The following SMCHD1 variants were observed in gnomAD, a reference collection of about 807,000 sequenced individuals.
SMCHD1 encodes structural maintenance of chromosomes flexible hinge domain containing 1, also known as structural maintenance of chromosomes flexible hinge domain-containing protein 1.
Under a neutral mutation model 254.7 loss-of-function variants are expected in SMCHD1, and 78 were observed. The observed-to-expected ratio is 0.31, with a 90% CI of 0.26 to 0.37. SMCHD1 has a LOEUF of 0.37. Among genes scored for constraint, SMCHD1 ranks in the 10% least tolerant of loss-of-function variants. SMCHD1 has a pLI of 1.00. For synonymous variants in SMCHD1, 766 were observed against 794.9 expected, an observed-to-expected ratio of 0.96 and a Z score of 0.61; for missense variants, 1,840 against 2,408.1, an observed-to-expected ratio of 0.76 and a Z score of 4.94.
intron 19 of SMCHD1, among the ~76,000 whole-genome samples, chr18:2,721,014 C>T (rs78654046): frequency 0.02 from 3,028 of 152,244 alleles, 40 homozygotes; most frequent in African/African-American, 0.035. Context: ...TGAGGAGGGT[C>T]GTTGACTAGC....
At chr18:2,721,610 A>G (rs1214150187) in intron 19 of SMCHD1, among the ~76,000 whole-genome samples, 2 of 152,198 alleles carry the variant, frequency 1.3e-5, no homozygotes, top group Non-Finnish European at 2.9e-5. Context: ...CTTTAGGGTG[A>G]TACCAAGAAG....
At chr18:2,711,656 G>C (rs2074676312) in intron 17 of SMCHD1, among the ~76,000 whole-genome samples, 1 of 150,996 alleles carries the variant, frequency 6.6e-6, no homozygotes, top group Admixed American at 6.6e-5. Context: ...CTAATTTTTT[G>C]TATTTTTAGT....
chr18:2,709,919 T>C (rs548165156), intron 17 of SMCHD1, among the ~76,000 whole-genome samples: 1 of 152,212 alleles, frequency 6.6e-6, no homozygotes, highest in Non-Finnish European at 1.5e-5. Flanking sequence ...AATTAGTTTC[T>C]TTTTTCTTTT....
Position 2,726,533 on chromosome 18 carries a change from A to G in SMCHD1, c.2773+9A>G, listed in dbSNP as rs1201218290. ...AATTAGATTACTACCTGGTAATATT[A>G]TTTCAAGAAATATAATTATTTAAAA... is the stretch of plus-strand genomic sequence containing the variant. On this transcript the variant is annotated intron_variant, in intron 22 of 47. Coordinates refer to ENST00000320876, the MANE Select transcript of SMCHD1 (RefSeq NM_015295.3). 3 of 1,193,998 alleles carry G rather than the reference A, an allele frequency of 2.5e-6. No homozygotes were observed. Among genetic ancestry groups the G allele is most frequent in the African/African-American group, 3.1e-5 (2 of 64,492 alleles). 74.0% of individuals were successfully genotyped at this position (1,193,998 alleles called of 1,614,324 possible).
rs557099067 is a variant in SMCHD1, at chr18:2,706,052, TA to T, written c.1956+246del. ...TTACCAAATTAATTTTATAAAGTCA[TA>T]TTTCCTCTAGGGCCCACTAACTAGT... is the stretch of plus-strand genomic sequence containing the variant. On this transcript the variant is annotated intron_variant, in intron 14 of 47. Transcript: ENST00000320876. Among the ~76,000 whole-genome samples the T allele has an allele frequency of 3.9e-3, 596 of 152,292 alleles. 5 individuals carry two copies. Among genetic ancestry groups the T allele is most frequent in the Non-Finnish European group, 6.4e-3 (435 of 68,008 alleles).
chr18:2,697,599 C>G (rs2074311772), intron 9 of SMCHD1, among the ~76,000 whole-genome samples: 1 of 152,184 alleles, frequency 6.6e-6, no homozygotes. Context: ...TTCTGTCCTT[C>G]AGCTCTGATT....
intron 14 of SMCHD1, 98 bp from the exon 15 acceptor site, chr18:2,706,266 A>G (rs545487222): frequency 2.6e-6 from 2 of 763,254 alleles, no homozygotes; most frequent in African/African-American, 1.8e-5. Context: ...TAATTAGGAT[A>G]AAATATATTT....
chr18:2,711,763 T>A (rs1458389475), intron 17 of SMCHD1, among the ~76,000 whole-genome samples: 1 of 152,142 alleles, frequency 6.6e-6, no homozygotes. Context: ...ATTACAGGCG[T>A]GAGCCACCGC....
At chr18:2,786,539 A>G (rs563864864) in intron 45 of SMCHD1, among the ~76,000 whole-genome samples, 2 of 152,136 alleles carry the variant, frequency 1.3e-5, no homozygotes, top group East Asian at 3.9e-4. Flanking sequence ...TAAAAATACA[A>G]AAATTAGCTG....
intron 36 of SMCHD1, among the ~76,000 whole-genome samples, chr18:2,763,300 T>C (rs2075817287): frequency 6.6e-6 from 1 of 152,198 alleles, no homozygotes; most frequent in African/African-American, 2.4e-5. Flanking sequence ...AATAAAATAT[T>C]TAAAGTCACT....
At chr18:2,751,150 G>T in intron 32 of SMCHD1, 128 bp from the exon 33 acceptor site, 1 of 568,242 alleles carries the variant, frequency 1.8e-6, no homozygotes. Context: ...CATCAGAATT[G>T]TATTAACATT....
chr18:2,675,231 T>C (rs1164272107), intron 5 of SMCHD1, among the ~76,000 whole-genome samples: 1 of 152,002 alleles, frequency 6.6e-6, no homozygotes, highest in Non-Finnish European at 1.5e-5. Flanking sequence ...AGCTGTCATT[T>C]TAGTTATTAC....
chr18:2,708,915 T>TATATAAA (rs1568199419), intron 17 of SMCHD1, among the ~76,000 whole-genome samples: 1 of 90,454 alleles, frequency 1.1e-5, no homozygotes, highest in African/African-American at 4.2e-5. Flanking sequence ...TATAACATAT[T>TATATAAA]AACATGAAAT....
In SMCHD1 at chr18:2,752,546, A is replaced by T. The variant is rs1292200069; in HGVS notation, c.4340A>T (p.Tyr1447Phe). 2 of 1,548,704 alleles carry T rather than the reference A, an allele frequency of 1.3e-6. No individual in the cohort carries two copies. The highest frequency in any genetic ancestry group is 1.4e-5 in the African/African-American group (1 of 73,494). ...KDNDKEDGCF[Y>F]FRDKVIPNKV... Reference sequence around the variant, plus strand: ...AATGACAAAGAAGATGGCTGCTTCTATTTCAGGTATTTCTCAAAACATTTC... The same window carrying T: ...AATGACAAAGAAGATGGCTGCTTCTTTTTCAGGTATTTCTCAAAACATTTC... The change falls in exon 34 of 48, where the codon TAT becomes TTT. Residue 1447 changes from tyrosine to phenylalanine, a missense_variant. This residue lies in a region of SMCHD1 where 881 missense variants were observed against 1,009.5 expected (regional missense o/e 0.87). Transcript: ENST00000320876.
intron 33 of SMCHD1, among the ~76,000 whole-genome samples, chr18:2,752,218 C>A (rs2075587851): frequency 6.6e-6 from 1 of 152,130 alleles, no homozygotes; most frequent in African/African-American, 2.4e-5. Flanking sequence ...GACCATCAGT[C>A]CAATCAAGTT....
chr18:2,678,866 T>TC (rs2073850358), intron 5 of SMCHD1, among the ~76,000 whole-genome samples: 1 of 148,000 alleles, frequency 6.8e-6, no homozygotes, highest in Non-Finnish European at 1.5e-5. Flanking sequence ...TTTTTTTTTT[T>TC]GAGAGGGAGT....
At chr18:2,688,531 A>C in intron 6 of SMCHD1, 23 bp downstream of exon 6, 1 of 1,602,200 alleles carries the variant, frequency 6.2e-7, no homozygotes, top group Non-Finnish European at 8.5e-7. Context: ...ATTTCTTATA[A>C]ATGAAAGTTG....
At chr18:2,767,139 C>T (rs1379167031) in intron 37 of SMCHD1, among the ~76,000 whole-genome samples, 1 of 151,888 alleles carries the variant, frequency 6.6e-6, no homozygotes, top group African/African-American at 2.4e-5. Flanking sequence ...GCACCTATAG[C>T]CCCAGCTACT....
chr18:2,678,253 T>TTCTC (rs775833042), intron 5 of SMCHD1, among the ~76,000 whole-genome samples: 12 of 114,206 alleles, frequency 1.1e-4, no homozygotes, highest in Non-Finnish European at 1.7e-4. Flanking sequence ...CGTTCTTTCT[T>TTCTC]TCTCTCTCTC....
Sources: gnomAD v4.1 joint callset for allele counts (sites outside exome capture counted in the v4.1 genomes callset) on GRCh38, gnomAD v4.1.1 for gene constraint, gnomAD v4.1.1 regional missense constraint, MANE v1.5 for transcripts, NCBI Gene and HGNC (gene_info 2026-07-23, HGNC 2026-07-21) for gene names.